The following PPM1H variants were observed in gnomAD, a reference collection of about 807,000 sequenced individuals.
PPM1H encodes protein phosphatase 1H.
A neutral mutation model predicts 54.9 loss-of-function variants in PPM1H; 27 were observed. That is an observed-to-expected ratio of 0.49 (90% CI 0.36 to 0.68). The LOEUF is 0.68. Among genes scored for constraint, PPM1H ranks in the 30% least tolerant of loss-of-function variants. The probability of loss-of-function intolerance (pLI) is 0.00; values close to 1 mark genes in which losing one functional copy is unlikely to be tolerated. For missense variants in PPM1H, 596 were observed against 667.8 expected, an observed-to-expected ratio of 0.89 and a Z score of 1.19; for synonymous variants, 305 against 270.8, an observed-to-expected ratio of 1.13 and a Z score of -1.24.
intron 4 of PPM1H, among the ~76,000 whole-genome samples, chr12:62,740,739 T>A (rs535235471): frequency 3.2e-4 from 48 of 152,254 alleles, no homozygotes; most frequent in Non-Finnish European, 5.9e-4. Context: ...AACTTCAGGG[T>A]CCAGCGCAAA....
rs1417161194 is a variant in PPM1H, at chr12:62,876,434, G to GATGC, written c.246-44159_246-44156dup. ...AAGGCAAATCAGGCCATTTGTTAAT[G>GATGC]ATGCATTCAGTGCTTAATGCTACCC... is the stretch of plus-strand genomic sequence containing the variant. On this transcript the variant is annotated intron_variant, in intron 1 of 9. Transcript: ENST00000228705. 2.6e-5 allele frequency among the ~76,000 whole-genome samples: 4 copies of GATGC among 152,194 alleles called. No homozygotes were observed. The East Asian group carries it at 5.8e-4, about 22-fold the overall frequency.
At position 62,648,486 on chromosome 12, in the gene PPM1H, T is replaced by TG; in HGVS notation, c.*2_*3insC. ...TCTGTCCTCCCAATCCCCTGGGCCATTTTCATGACAGCTTGTTTCCATGTA... is the reference window on the plus strand; with the variant it reads ...TCTGTCCTCCCAATCCCCTGGGCCATGTTTCATGACAGCTTGTTTCCATGTA... On this transcript the variant is annotated 3_prime_UTR_variant, in exon 10 of 10. Transcript: ENST00000228705. 6.2e-7 allele frequency: 1 copy of TG among 1,613,826 alleles called. No homozygotes were observed.
intron 1 of PPM1H, among the ~76,000 whole-genome samples, chr12:62,838,069 A>G (rs74097105): frequency 0.11 from 17,158 of 152,222 alleles, 1,840 homozygotes; most frequent in African/African-American, 0.28. Context: ...TGGGCCCCCA[A>G]GCTCCTGGCC....
At chr12:62,812,275 C>T (rs558699643) in intron 2 of PPM1H, among the ~76,000 whole-genome samples, 6 of 152,290 alleles carry the variant, frequency 3.9e-5, no homozygotes, top group African/African-American at 1.4e-4. Context: ...GGCACCAGCA[C>T]AGGATGCAAA....
rs535094407 is a variant in PPM1H, at chr12:62,802,418, T to C, written c.412-258A>G. On this transcript the variant is annotated intron_variant, in intron 2 of 9. Coordinates refer to ENST00000228705, the MANE Select transcript of PPM1H (RefSeq NM_020700.2). The stretch of plus-strand genomic sequence containing the variant: ...ATGAAGCGGTCTCTGCCTCCCCACC[T>C]AGCAAGGGAGCCCAAATGATCATAC... Among the ~76,000 whole-genome samples the C allele has an allele frequency of 2.8e-4, 42 of 152,256 alleles. 1 individual carries two copies. In the East Asian group the frequency reaches 7.5e-3, roughly 27 times the overall value.
At chr12:62,730,953 C>T (rs2076317472) in intron 5 of PPM1H, among the ~76,000 whole-genome samples, 1 of 152,074 alleles carries the variant, frequency 6.6e-6, no homozygotes. Flanking sequence ...TGGCTGAGAC[C>T]CAAATATGTA....
rs148714463 is a variant in PPM1H at position 62,758,605 on chromosome 12, C to CCATAATTG, written c.870-21027_870-21020dup. On this transcript the variant is annotated intron_variant, in intron 4 of 9. Coordinates refer to ENST00000228705, the MANE Select transcript of PPM1H (RefSeq NM_020700.2). Reference sequence around the variant, plus strand: ...CTTCAAACTTCTTATCCTTCTGCCTCCATAATTGCAATCATCTCACTCTCC... The same window carrying CCATAATTG: ...CTTCAAACTTCTTATCCTTCTGCCTCCATAATTGCATAATTGCAATCATCTCACTCTCC... 4.6e-3 allele frequency among the ~76,000 whole-genome samples: 697 copies of CCATAATTG among 152,088 alleles called. 6 individuals are homozygous for CCATAATTG. The highest frequency in any genetic ancestry group is 0.016 in the African/African-American group (670 of 41,484).
chr12:62,692,208 G>C (rs983888681), intron 7 of PPM1H, among the ~76,000 whole-genome samples: 1 of 152,154 alleles, frequency 6.6e-6, no homozygotes, highest in Non-Finnish European at 1.5e-5. Flanking sequence ...CCTCAGAAAG[G>C]GGTGGTATCT....
chr12:62,892,163 A>G (rs1169502748), intron 1 of PPM1H, among the ~76,000 whole-genome samples: 1 of 152,170 alleles, frequency 6.6e-6, no homozygotes, highest in African/African-American at 2.4e-5. Context: ...AGCATTTCCT[A>G]TCTGTCTAAA....
At chr12:62,924,207 C>T (rs1228194509) in intron 1 of PPM1H, among the ~76,000 whole-genome samples, 1 of 151,862 alleles carries the variant, frequency 6.6e-6, no homozygotes, top group Non-Finnish European at 1.5e-5. Flanking sequence ...AAACTGAGGC[C>T]CAGAGTGGGG....
intron 4 of PPM1H, among the ~76,000 whole-genome samples, chr12:62,743,511 A>G (rs1027324025): frequency 1.3e-5 from 2 of 152,210 alleles, no homozygotes; most frequent in African/African-American, 4.8e-5. Context: ...TTGGAGTTAA[A>G]AACACATATC....
intron 9 of PPM1H, among the ~76,000 whole-genome samples, chr12:62,651,442 C>T (rs2075815641): frequency 6.6e-6 from 1 of 152,142 alleles, no homozygotes; most frequent in Non-Finnish European, 1.5e-5. Flanking sequence ...GAACAAGAGA[C>T]CACCCTGATG....
At chr12:62,650,940 A>G (rs1463775440) in intron 9 of PPM1H, among the ~76,000 whole-genome samples, 1 of 152,140 alleles carries the variant, frequency 6.6e-6, no homozygotes, top group African/African-American at 2.4e-5. Context: ...TCTTAGTTTT[A>G]TATTAAATTG....
chr12:62,927,006 A>G (rs699587), intron 1 of PPM1H, among the ~76,000 whole-genome samples: 135,537 of 152,254 alleles, frequency 0.89, 61,314 homozygotes, highest in Non-Finnish European at 0.98. Flanking sequence ...AAATATCTAT[A>G]ACATATAAGT....
In PPM1H at chr12:62,934,553, C is replaced by A; in HGVS notation, c.184G>T (p.Ala62Ser). ...TCCTTGAGGATGAGGATGGGGCGGG[C>A]GATGTGGTCGGCGCTGCACTCCACC... ...DEVECSADHI[A>S]RPILILKETR... is the part of the protein sequence containing the mutation. The change falls in exon 1 of 10, where the codon GCC becomes TCC. Residue 62 changes from alanine to serine, a missense_variant. Coordinates refer to ENST00000228705, the MANE Select transcript of PPM1H (RefSeq NM_020700.2). This position sits in a 1 kb window ranked among gnomAD's most constrained non-coding sequence, Gnocchi z 4.2. The A allele has an allele frequency of 6.4e-7, 1 of 1,552,322 alleles. No individual in the cohort carries two copies. The highest frequency in any genetic ancestry group is 8.7e-7 in the Non-Finnish European group (1 of 1,148,668).
chr12:62,693,988 G>A lies in PPM1H; in HGVS notation c.1085C>T (p.Thr362Ile). 6.2e-7 allele frequency: 1 copy of A among 1,612,732 alleles called. No individual in the cohort carries two copies. The highest frequency in any genetic ancestry group is 8.5e-7 in the Non-Finnish European group (1 of 1,179,494). Reference protein sequence around the residue: ...DFNMTGWAYKTIEDEDLKFPL... With the variant: ...DFNMTGWAYKIIEDEDLKFPL... ...GAACTTCAAGTCCTCATCCTCAATG[G>A]TTTTGTATGCCCTGTAGGGGATAAA... is the stretch of plus-strand genomic sequence containing the variant. Residue 362 changes from threonine to isoleucine, a missense_variant, in exon 7 of 10, where the codon ACC becomes ATC. Transcript: ENST00000228705.
At position 62,646,667 on chromosome 12, in the gene PPM1H, C is replaced by A. The variant is rs1565742771; in HGVS notation, c.*1822G>T. The A allele has an allele frequency of 6.6e-6, 1 of 152,242 alleles. No homozygotes were observed. Among genetic ancestry groups the A allele is most frequent in the Non-Finnish European group, 1.5e-5 (1 of 68,048 alleles). The allele number at this position is 152,242 out of a possible 1,614,324, so 9.4% of individuals were successfully genotyped here. A position where few individuals can be genotyped will look rare whatever the true frequency, so the allele number is the denominator to read the frequency against. On this transcript the variant is annotated 3_prime_UTR_variant, in exon 10 of 10. Coordinates refer to ENST00000228705, the MANE Select transcript of PPM1H (RefSeq NM_020700.2). ...AAACGTGCTGCAGATGAAGACAACT[C>A]CTGACAAGGCCGAAGTCCCATTCTT...
rs2075783499 is a variant in PPM1H at position 62,646,112 on chromosome 12, T to TTATC, written c.*2373_*2376dup. ...CCATCCCCTGAACACAAACTTGACT[T>TTATC]TATCTTCTAACTAAGATCTTTCCAC... On this transcript the variant is annotated 3_prime_UTR_variant, in exon 10 of 10. Coordinates refer to ENST00000228705, the MANE Select transcript of PPM1H (RefSeq NM_020700.2). The TTATC allele has an allele frequency of 6.6e-6, 1 of 152,328 alleles. No individual in the cohort carries two copies. Among genetic ancestry groups the TTATC allele is most frequent in the African/African-American group, 2.4e-5 (1 of 41,580 alleles). 9.4% of individuals were successfully genotyped at this position (152,328 alleles called of 1,614,324 possible).
At chr12:62,675,347 T>C (rs1426388049) in intron 8 of PPM1H, among the ~76,000 whole-genome samples, 2 of 152,242 alleles carry the variant, frequency 1.3e-5, no homozygotes, top group African/African-American at 4.8e-5. Flanking sequence ...GCCTGGCACG[T>C]TACAATTCTC....
Sources: gnomAD v4.1 joint callset for allele counts (sites outside exome capture counted in the v4.1 genomes callset) on GRCh38, gnomAD v4.1.1 for gene constraint, Gnocchi (gnomAD v3.1) non-coding constraint, MANE v1.5 for transcripts, NCBI Gene and HGNC (gene_info 2026-07-23, HGNC 2026-07-21) for gene names.